PDE1A: variants seen among roughly 807,000 people sequenced by gnomAD.
The protein encoded by PDE1A is dual specificity calcium/calmodulin-dependent 3',5'-cyclic nucleotide phosphodiesterase 1A.
PDE1A carries 35 observed loss-of-function variants against 61.7 expected under a neutral mutation model. The observed-to-expected ratio is 0.57, with a 90% CI of 0.43 to 0.75. The LOEUF (loss-of-function observed/expected upper bound fraction) is 0.75. PDE1A is among the 30% of genes least tolerant of loss of function. PDE1A has a pLI of 0.00. For synonymous variants in PDE1A, 232 were observed against 213.2 expected (o/e 1.09, Z -0.77); for missense variants, 597 against 630.6 (o/e 0.95, Z 0.57).
At chr2:182,651,071 A>G in the PDE1A span, among the ~76,000 whole-genome samples, 3 of 152,096 alleles carry the variant, frequency 2.0e-5, no homozygotes, top group Non-Finnish European at 4.4e-5. Flanking sequence ...CAATGGCATG[A>G]TCTTTACTCA....
intron 1 of PDE1A, among the ~76,000 whole-genome samples, chr2:182,298,288 GACAGTATCAGTTGAGCTC>G (rs780546915): frequency 3.9e-5 from 6 of 152,178 alleles, no homozygotes; most frequent in Non-Finnish European, 7.4e-5. Context: ...GCAAGAAAAT[GACAGTATCAGTTGAGCTC>G]ACTGTAAACT....
intron 1 of PDE1A, among the ~76,000 whole-genome samples, chr2:182,421,929 G>T (rs1277143005): frequency 6.6e-6 from 1 of 152,132 alleles, no homozygotes; most frequent in Non-Finnish European, 1.5e-5. Flanking sequence ...TCATCCCACT[G>T]CTTTCTCCAT....
intron 1 of PDE1A, among the ~76,000 whole-genome samples, chr2:182,281,412 T>C (rs1693796700): frequency 1.3e-5 from 2 of 151,910 alleles, no homozygotes; most frequent in South Asian, 4.1e-4. Context: ...GTGGAGCAAA[T>C]GGTCATGCAA....
At chr2:182,555,435 T>C in the PDE1A span, among the ~76,000 whole-genome samples, 4 of 152,208 alleles carry the variant, frequency 2.6e-5, no homozygotes, top group Non-Finnish European at 4.4e-5. Context: ...TATATGTAAA[T>C]GAACCTCTTT....
At chr2:182,294,911 G>C (rs1029896671) in intron 1 of PDE1A, among the ~76,000 whole-genome samples, 3 of 151,942 alleles carry the variant, frequency 2.0e-5, no homozygotes, top group Non-Finnish European at 2.9e-5. Context: ...GAAATGCCAG[G>C]AAAGAGAAAC....
chr2:182,402,837 C>G (rs976519129), intron 1 of PDE1A, among the ~76,000 whole-genome samples: 4 of 152,070 alleles, frequency 2.6e-5, no homozygotes, highest in African/African-American at 9.7e-5. Context: ...TAAGAAAAAA[C>G]AAACAACGCC....
chr2:182,482,264 G>GTTT (rs1466155425), intron 2 of PDE1A, among the ~76,000 whole-genome samples: 1 of 151,856 alleles, frequency 6.6e-6, no homozygotes, highest in Non-Finnish European at 1.5e-5. Context: ...TTATCACCTA[G>GTTT]TTTTTAAACT....
the PDE1A span, among the ~76,000 whole-genome samples, chr2:182,643,288 A>C: frequency 6.6e-6 from 1 of 152,210 alleles, no homozygotes; most frequent in Non-Finnish European, 1.5e-5. Flanking sequence ...CAGATTAAAA[A>C]TTAGTGCTGA....
the PDE1A span, among the ~76,000 whole-genome samples, chr2:182,552,876 C>T: frequency 1.4e-4 from 21 of 152,132 alleles, no homozygotes; most frequent in Admixed American, 7.2e-4. Flanking sequence ...ATGTTTGTTA[C>T]GGCTCGAGCT....
At chr2:182,418,990 T>TTGTCTTC (rs1703096849) in intron 1 of PDE1A, among the ~76,000 whole-genome samples, 1 of 151,948 alleles carries the variant, frequency 6.6e-6, no homozygotes, top group Non-Finnish European at 1.5e-5. Flanking sequence ...CAATCGCTGA[T>TTGTCTTC]ACAATTGTCT....
intron 6 of PDE1A, among the ~76,000 whole-genome samples, chr2:182,227,241 A>G (rs1039618764): frequency 6.6e-6 from 1 of 152,066 alleles, no homozygotes; most frequent in African/African-American, 2.4e-5. Flanking sequence ...AGAAGCTAAT[A>G]GAGTTTTGAC....
chr2:182,204,602 TAAC>T (rs2125492728), intron 8 of PDE1A, among the ~76,000 whole-genome samples: 1 of 152,354 alleles, frequency 6.6e-6, no homozygotes, highest in East Asian at 1.9e-4. Context: ...ATTTTCTTAA[TAAC>T]ATTTTCTTCT....
downstream of PDE1A, among the ~76,000 whole-genome samples, chr2:182,166,290 C>T (rs925521176): frequency 6.6e-6 from 1 of 152,096 alleles, no homozygotes; most frequent in Non-Finnish European, 1.5e-5. Context: ...TGAATATGGG[C>T]GGGCACCATC....
the PDE1A span, among the ~76,000 whole-genome samples, chr2:182,577,931 CGGAAGGAA>C: frequency 0.12 from 9,592 of 82,136 alleles, 655 homozygotes; most frequent in Non-Finnish European, 0.15. Flanking sequence ...AGAAAGAAAA[CGGAAGGAA>C]GGAAGGAAGG....
intron 2 of PDE1A, chr2:182,522,224 C>T (rs915862476): frequency 1.0e-5 from 15 of 1,466,908 alleles, no homozygotes; most frequent in South Asian, 3.4e-5. Flanking sequence ...CAATTAGTCA[C>T]GTTAATAGTC....
chr2:182,534,665 G>T, the PDE1A span, among the ~76,000 whole-genome samples: 1,636 of 151,196 alleles, frequency 0.011, 20 homozygotes, highest in Middle Eastern at 0.034. Context: ...AATTTGTAAA[G>T]ATTATTTTAT....
chr2:182,313,494 C>G (rs1696129831), intron 1 of PDE1A, among the ~76,000 whole-genome samples: 1 of 152,164 alleles, frequency 6.6e-6, no homozygotes, highest in Non-Finnish European at 1.5e-5. Context: ...CCTTTCTAAT[C>G]CAGATTTTTC....
the PDE1A span, among the ~76,000 whole-genome samples, chr2:182,606,640 C>T: frequency 9.2e-5 from 14 of 152,190 alleles, no homozygotes; most frequent in South Asian, 8.3e-4. Context: ...AGGAAATAAA[C>T]GAATAAGCTT....
chr2:182,633,926 CA>C, the PDE1A span, among the ~76,000 whole-genome samples: 1 of 151,586 alleles, frequency 6.6e-6, no homozygotes, highest in Admixed American at 6.6e-5. Flanking sequence ...CTACCAAAAA[CA>C]AAAAAACAAA....
Sources: gnomAD v4.1 joint callset for allele counts (sites outside exome capture counted in the v4.1 genomes callset) on GRCh38, gnomAD v4.1.1 for gene constraint, MANE v1.5 for transcripts, NCBI Gene and HGNC (gene_info 2026-07-23, HGNC 2026-07-21) for gene names.